The following LNX1 variants were observed in gnomAD, a reference collection of about 807,000 sequenced individuals.
LNX1 encodes ligand of numb-protein X 1, also known as E3 ubiquitin-protein ligase LNX.
In LNX1, 54 loss-of-function variants were observed where a neutral mutation model predicts 68.4. That is an observed-to-expected ratio of 0.79 (90% confidence interval 0.63 to 0.99). LNX1 has a LOEUF of 0.99. Ranked by LOEUF, LNX1 falls within the 50% of genes least tolerant of loss-of-function variation. The pLI is 0.00. For synonymous variants in LNX1, 336 were observed against 350.0 expected (o/e 0.96, Z 0.45); for missense variants, 906 against 926.4 (o/e 0.98, Z 0.29).
chr4:53,537,861 A>G (rs1362898256), intron 2 of LNX1, among the ~76,000 whole-genome samples: 3 of 152,238 alleles, frequency 2.0e-5, no homozygotes, highest in African/African-American at 4.8e-5. Context: ...ACTCTGGTCC[A>G]GCCAGTTTGC....
intron 1 of LNX1, among the ~76,000 whole-genome samples, chr4:53,634,246 G>A (rs934850967): frequency 7.3e-6 from 1 of 136,960 alleles, no homozygotes; most frequent in African/African-American, 2.9e-5. Flanking sequence ...TATCTGTCCA[G>A]CTTGGCTTTT....
chr4:53,461,567 AC>A lies in LNX1; in HGVS notation c.1918del (p.Val640TyrfsTer15). The A allele has an allele frequency of 6.2e-7, 1 of 1,612,190 alleles. No individual in the cohort carries two copies. Among genetic ancestry groups the A allele is most frequent in the African/African-American group, 1.3e-5 (1 of 74,978 alleles). ...ACTTCCAGCTGTGTTTCTTCGTAAT[AC>A]AATATCTTTACAGTTATACAAGCAC... ...PRCLYNCKDI[V>X]LRRNTAGSLG... On this transcript the variant is annotated frameshift_variant, in exon 10 of 11. Coordinates refer to ENST00000263925, the MANE Select transcript of LNX1 (RefSeq NM_001126328.3). LOFTEE classifies it high-confidence loss of function.
chr4:53,639,926 G>C (rs1241773234), intron 1 of LNX1, among the ~76,000 whole-genome samples: 1 of 152,136 alleles, frequency 6.6e-6, no homozygotes, highest in African/African-American at 2.4e-5. Context: ...CCAGCTACTT[G>C]GGAGGCTGAG....
chr4:53,528,163 C>T lies in LNX1; in HGVS notation c.381-19936G>A, dbSNP rs572965366. Among the ~76,000 whole-genome samples, 10 of 152,260 alleles carry T rather than the reference C, an allele frequency of 6.6e-5. No individual in the cohort carries two copies. In the East Asian group the frequency reaches 1.9e-3, roughly 29 times the overall value. On this transcript the variant is annotated intron_variant, in intron 2 of 10. Transcript: ENST00000263925. ...TTTCCCTTTGAAAACTGCTCTTTTG[C>T]CAGTTGGAAGAACTGTCAATCAATC...
intron 1 of LNX1, chr4:53,576,327 C>T (rs1272998485): frequency 1.2e-6 from 2 of 1,611,760 alleles, no homozygotes; most frequent in Non-Finnish European, 1.7e-6. Context: ...ACAGCGTGGC[C>T]CTGGTCCTAA....
chr4:53,541,024 C>T (rs1207095381), intron 2 of LNX1, among the ~76,000 whole-genome samples: 1 of 151,690 alleles, frequency 6.6e-6, no homozygotes, highest in African/African-American at 2.4e-5. Flanking sequence ...GTAATCCCAG[C>T]TACCTGGGAG....
At chr4:53,521,475 A>G (rs1727213123) in intron 2 of LNX1, among the ~76,000 whole-genome samples, 1 of 152,204 alleles carries the variant, frequency 6.6e-6, no homozygotes, top group African/African-American at 2.4e-5. Context: ...CATGACACTC[A>G]GTGGAAAATT....
chr4:53,551,562 C>A, intron 2 of LNX1, among the ~76,000 whole-genome samples: 1 of 152,136 alleles, frequency 6.6e-6, no homozygotes, highest in East Asian at 1.9e-4. Flanking sequence ...AGTAAACACA[C>A]TGCGCACGCT....
chr4:53,602,589 C>A, intron 2 of LNX1, among the ~76,000 whole-genome samples: 1 of 152,254 alleles, frequency 6.6e-6, no homozygotes, highest in East Asian at 1.9e-4. Flanking sequence ...CTATAATGGG[C>A]GGTCTGTGAG....
chr4:53,499,758 A>G (rs1292890306), intron 4 of LNX1, among the ~76,000 whole-genome samples: 1 of 152,192 alleles, frequency 6.6e-6, no homozygotes, highest in Non-Finnish European at 1.5e-5. Context: ...TCTACCAGAC[A>G]TTGTTGTTAA....
intron 2 of LNX1, among the ~76,000 whole-genome samples, chr4:53,602,692 G>A (rs1234978905): frequency 6.6e-6 from 1 of 152,216 alleles, no homozygotes; most frequent in South Asian, 2.1e-4. Flanking sequence ...TCAAGGGAAG[G>A]CAATCAGGAT....
At chr4:53,529,251 C>A (rs985301585) in intron 2 of LNX1, among the ~76,000 whole-genome samples, 3 of 152,068 alleles carry the variant, frequency 2.0e-5, no homozygotes, top group African/African-American at 7.2e-5. Context: ...CTGAGAAACA[C>A]AATAGCTACC....
At chr4:53,602,067 G>T (rs1733040395) in intron 2 of LNX1, among the ~76,000 whole-genome samples, 2 of 152,268 alleles carry the variant, frequency 1.3e-5, no homozygotes, top group Non-Finnish European at 2.9e-5. Flanking sequence ...TTGTCAGTTA[G>T]CCTTATGGTT....
chr4:53,481,776 A>G lies in LNX1; in HGVS notation c.1429T>C (p.Trp477Arg). 1.2e-6 allele frequency: 2 copies of G among 1,613,918 alleles called. No individual in the cohort carries two copies. The highest frequency in any genetic ancestry group is 1.7e-6 in the Non-Finnish European group (2 of 1,179,902). The change falls in exon 7 of 11, where the codon TGG becomes CGG. Residue 477 changes from tryptophan (W) to arginine (R), a missense_variant. Coordinates refer to ENST00000263925, the MANE Select transcript of LNX1 (RefSeq NM_001126328.3). ...RSPDIFQEAG[W>R]NSNGSWSPGP... The stretch of plus-strand genomic sequence containing the variant: ...GGGGACCAGCTGCCATTGCTGTTCC[A>G]GCCGGCTTCCTGAAAGATGTCAGGG...
intron 1 of LNX1, among the ~76,000 whole-genome samples, chr4:53,588,911 G>T (rs903842292): frequency 1.3e-5 from 2 of 152,116 alleles, no homozygotes; most frequent in African/African-American, 4.8e-5. Context: ...TCACCCAAGG[G>T]CACAGGGTAT....
intron 2 of LNX1, among the ~76,000 whole-genome samples, chr4:53,540,022 T>C (rs570492970): frequency 1.6e-4 from 25 of 152,366 alleles, no homozygotes; most frequent in African/African-American, 5.8e-4. Flanking sequence ...CTCGGGCTAC[T>C]AATCAATACC....
At position 53,581,426 on chromosome 4, in the gene LNX1, T is replaced by C. The variant is rs1731831764; in HGVS notation, c.-86-7338A>G. ...ACACTCATCATTTTTTCCAAAAACC[T>C]TCCTCTTTGCTCACTGTATTAGTCC... On this transcript the variant is annotated intron_variant, in intron 1 of 10. Coordinates refer to ENST00000263925, the MANE Select transcript of LNX1 (RefSeq NM_001126328.3). 3.3e-5 allele frequency among the ~76,000 whole-genome samples: 5 copies of C among 152,148 alleles called. No individual in the cohort carries two copies. The South Asian group carries it at 1.0e-3, about 32-fold the overall frequency.
intron 6 of LNX1, among the ~76,000 whole-genome samples, chr4:53,489,034 C>G (rs1208476060): frequency 6.6e-6 from 1 of 152,096 alleles, no homozygotes; most frequent in African/African-American, 2.4e-5. Context: ...TTGATATTCC[C>G]TATAAAATGA....
chr4:53,463,993 G>C (rs1722437491), intron 9 of LNX1, among the ~76,000 whole-genome samples: 1 of 152,050 alleles, frequency 6.6e-6, no homozygotes, highest in Non-Finnish European at 1.5e-5. Context: ...AAAGCCAGTT[G>C]TGAGATCTTA....
Sources: allele counts gnomAD v4.1 joint callset (sites outside exome capture counted in the v4.1 genomes callset), GRCh38; gene constraint gnomAD v4.1.1; transcripts MANE v1.5; gene names NCBI Gene and HGNC (gene_info 2026-07-23, HGNC 2026-07-21).